The following PCDHA1 variants were observed in gnomAD, a reference collection of about 807,000 sequenced individuals.
The protein encoded by PCDHA1 is protocadherin alpha 1.
In PCDHA1, 42 loss-of-function variants were observed where a neutral mutation model predicts 61.3. That is an observed-to-expected ratio of 0.69 (90% CI 0.54 to 0.89). The LOEUF (loss-of-function observed/expected upper bound fraction) is 0.89, where lower values mean the gene tolerates loss of function less well. Among genes scored for constraint, PCDHA1 ranks in the 40% least tolerant of loss-of-function variants. PCDHA1 has a pLI of 0.00. For missense variants in PCDHA1, 1,256 were observed against 1,235.3 expected (o/e 1.02, Z -0.25); for synonymous variants, 610 against 553.8 (o/e 1.10, Z -1.43).
intron 1 of PCDHA1, chr5:140,842,566 CGAGAGA>C: frequency 6.7e-7 from 1 of 1,503,446 alleles, no homozygotes; most frequent in Non-Finnish European, 9.0e-7. Flanking sequence ...CCCTGGACCG[CGAGAGA>C]GTGTCGGCCT....
At chr5:140,851,695 G>T in intron 1 of PCDHA1, 1 of 939,814 alleles carries the variant, frequency 1.1e-6, no homozygotes, top group Non-Finnish European at 1.3e-6. Flanking sequence ...GTGATAAAAT[G>T]ATCAGCCATG....
At position 140,787,878 on chromosome 5, in the gene PCDHA1, C is replaced by G. The variant is rs3733710; in HGVS notation, c.1588C>G (p.Leu530Val). Reference sequence around the variant, plus strand: ...GCCCCTGGACCACGAGGAGCTGGAGCTGCTGCAGTTCCAGGTGAGCGCGCG... The same window carrying G: ...GCCCCTGGACCACGAGGAGCTGGAGGTGCTGCAGTTCCAGGTGAGCGCGCG... Reference protein sequence around the residue: ...LQPLDHEELELLQFQVSARDA... With the variant: ...LQPLDHEELEVLQFQVSARDA... The change falls in exon 1 of 4, where the codon CTG (leucine) becomes GTG (valine). Residue 530 changes from leucine to valine, a missense_variant. Leu to Val is a conservative substitution (Grantham distance 32). Coordinates refer to ENST00000504120, the MANE Select transcript of PCDHA1 (RefSeq NM_018900.4). 533 of 1,613,134 alleles carry G rather than the reference C, an allele frequency of 3.3e-4. 3 individuals carry two copies. The East Asian group carries it at 9.7e-3, about 29-fold the overall frequency.
intron 1 of PCDHA1, chr5:140,867,619 C>G (rs1554161426): frequency 6.6e-6 from 1 of 152,174 alleles, no homozygotes; most frequent in African/African-American, 2.4e-5. Context: ...AACTATAGAA[C>G]AAAATATTTA....
At chr5:141,007,712 A>G (rs2098342161) in intron 3 of PCDHA1, among the ~76,000 whole-genome samples, 1 of 152,170 alleles carries the variant, frequency 6.6e-6, no homozygotes, top group Non-Finnish European at 1.5e-5. Context: ...GCCTCCCACC[A>G]CCAGGGAGAA....
At chr5:140,864,854 A>T (rs1554159169) in intron 1 of PCDHA1, 1 of 152,178 alleles carries the variant, frequency 6.6e-6, no homozygotes, top group Non-Finnish European at 1.5e-5. Context: ...CCCATACATG[A>T]TGAAGGGTGA....
chr5:140,948,345 A>G (rs1476053305), intron 1 of PCDHA1, among the ~76,000 whole-genome samples: 3 of 151,554 alleles, frequency 2.0e-5, no homozygotes, highest in African/African-American at 7.2e-5. Context: ...TAGTATTTCT[A>G]ACCTAATAAA....
At chr5:140,927,259 C>G (rs1262444613) in intron 1 of PCDHA1, 5 of 1,614,042 alleles carry the variant, frequency 3.1e-6, no homozygotes, top group Non-Finnish European at 3.4e-6. Flanking sequence ...CAACTCACCT[C>G]TCTTTCCTGC....
intron 1 of PCDHA1, among the ~76,000 whole-genome samples, chr5:140,932,571 A>G (rs1308740705): frequency 1.3e-5 from 2 of 151,926 alleles, no homozygotes; most frequent in African/African-American, 4.8e-5. Context: ...AGACTTTCCC[A>G]TAGGGTAATT....
rs114421153 is a variant in PCDHA1, at chr5:140,919,495, A to T, written c.2395-59454A>T. ...TATTTGGATTTATGTTTGTTATTTT[A>T]CTCCTTTTTCTATATGTTTTAATTC... On this transcript the variant is annotated intron_variant, in intron 1 of 3. Coordinates refer to ENST00000504120, the MANE Select transcript of PCDHA1 (RefSeq NM_018900.4). 4.5e-3 allele frequency among the ~76,000 whole-genome samples: 671 copies of T among 150,296 alleles called. 3 individuals are homozygous for T. Among genetic ancestry groups the T allele is most frequent in the African/African-American group, 0.016 (651 of 40,928 alleles).
chr5:140,863,553 A>C, intron 1 of PCDHA1: 2 of 378,210 alleles, frequency 5.3e-6, no homozygotes, highest in South Asian at 4.1e-5. Context: ...TTCAATAGGA[A>C]ATTTTTGAGA....
chr5:140,829,503 G>A (rs2150169106), intron 1 of PCDHA1: 5 of 1,613,554 alleles, frequency 3.1e-6, no homozygotes, highest in Middle Eastern at 1.8e-4. Flanking sequence ...AACCCGCCGG[G>A]CTGCCACATC....
At chr5:140,968,020 C>G (rs1554230190) in intron 1 of PCDHA1, 1 of 1,614,202 alleles carries the variant, frequency 6.2e-7, no homozygotes, top group Non-Finnish European at 8.5e-7. Context: ...TTGGAAACTC[C>G]TATACACTGG....
intron 1 of PCDHA1, among the ~76,000 whole-genome samples, chr5:140,964,575 G>A (rs2153740589): frequency 6.6e-6 from 1 of 152,212 alleles, no homozygotes; most frequent in East Asian, 1.9e-4. Flanking sequence ...GGAGATAAGG[G>A]GAGGAAAGAT....
chr5:140,924,052 A>G (rs948483906), intron 1 of PCDHA1, among the ~76,000 whole-genome samples: 1 of 152,244 alleles, frequency 6.6e-6, no homozygotes, highest in Non-Finnish European at 1.5e-5. Context: ...AGTTCGGTAC[A>G]TCTTTACAGT....
intron 3 of PCDHA1, among the ~76,000 whole-genome samples, chr5:141,006,729 T>A (rs1554260883): frequency 2.0e-5 from 3 of 151,948 alleles, no homozygotes; most frequent in Non-Finnish European, 4.4e-5. Flanking sequence ...AAATGACAGG[T>A]CTTGATGATG....
intron 1 of PCDHA1, chr5:140,802,232 T>A: frequency 6.2e-7 from 1 of 1,614,226 alleles, no homozygotes; most frequent in South Asian, 1.1e-5. Context: ...ACATCAATGA[T>A]AATGTACCTG....
chr5:140,933,937 T>A (rs1369497002), intron 1 of PCDHA1, among the ~76,000 whole-genome samples: 1 of 152,082 alleles, frequency 6.6e-6, no homozygotes. Context: ...GTGACTTTTT[T>A]TCACATCTGC....
chr5:140,834,802 T>C, intron 1 of PCDHA1: 1 of 1,612,920 alleles, frequency 6.2e-7, no homozygotes, highest in Non-Finnish European at 8.5e-7. Context: ...CAAAGGAATC[T>C]GTTCATCGCG....
chr5:140,863,248 G>C (rs782700291), intron 1 of PCDHA1: 8 of 1,396,066 alleles, frequency 5.7e-6, no homozygotes, highest in Middle Eastern at 1.9e-4. Context: ...TTTGGCGGGC[G>C]TCGAGGTCCG....
Sources: allele counts gnomAD v4.1 joint callset (sites outside exome capture counted in the v4.1 genomes callset), GRCh38; gene constraint gnomAD v4.1.1; transcripts MANE v1.5; gene names NCBI Gene and HGNC (gene_info 2026-07-23, HGNC 2026-07-21).